The following NCK1 variants were observed in gnomAD, a reference collection of about 807,000 sequenced individuals.
The protein encoded by NCK1 is SH2/SH3 adapter protein NCK1.
In NCK1, 19 loss-of-function variants were observed where a neutral mutation model predicts 36.6. The observed-to-expected ratio is 0.52, with a 90% CI of 0.36 to 0.76. NCK1 has a LOEUF of 0.76. Among genes scored for constraint, NCK1 ranks in the 30% least tolerant of loss-of-function variants. The probability of loss-of-function intolerance (pLI) is 0.00; values close to 1 mark genes in which losing one functional copy is unlikely to be tolerated. For missense variants in NCK1, 358 were observed against 445.6 expected (o/e 0.80, Z 1.77); for synonymous variants, 165 against 156.0 (o/e 1.06, Z -0.43).
chr3:136,908,511 G>A (rs945023911), intron 1 of NCK1, among the ~76,000 whole-genome samples: 1 of 152,174 alleles, frequency 6.6e-6, no homozygotes, highest in East Asian at 1.9e-4. Flanking sequence ...CTGAATTCAT[G>A]TCCTTATAAG....
intron 1 of NCK1, among the ~76,000 whole-genome samples, chr3:136,878,864 C>T (rs1303991399): frequency 6.6e-6 from 1 of 152,062 alleles, no homozygotes; most frequent in African/African-American, 2.4e-5. Context: ...CTACAGAAAA[C>T]ACTGAATTAA....
At chr3:136,876,920 GC>G (rs1168021156) in intron 1 of NCK1, among the ~76,000 whole-genome samples, 4 of 152,254 alleles carry the variant, frequency 2.6e-5, no homozygotes, top group African/African-American at 9.6e-5. Flanking sequence ...GCTGACTGTT[GC>G]CAAACTGCTA....
chr3:136,899,878 T>C, intron 1 of NCK1: 1 of 1,152,948 alleles, frequency 8.7e-7, no homozygotes, highest in Non-Finnish European at 1.3e-6. Flanking sequence ...CTTTTTTTTT[T>C]AGGGGTTTTC....
At chr3:136,929,675 AGTGATAC>A (rs543864439) in intron 2 of NCK1, among the ~76,000 whole-genome samples, 9 of 152,208 alleles carry the variant, frequency 5.9e-5, no homozygotes, top group Non-Finnish European at 8.8e-5. Flanking sequence ...TATGCCTCAT[AGTGATAC>A]GTGCACAGGG....
At chr3:136,890,512 G>A (rs1939212770) in intron 1 of NCK1, among the ~76,000 whole-genome samples, 1 of 152,256 alleles carries the variant, frequency 6.6e-6, no homozygotes, top group Admixed American at 6.5e-5. Context: ...GGCAGAGGAG[G>A]TGCCAAGAGC....
At chr3:136,893,938 C>G (rs1329752865) in intron 1 of NCK1, among the ~76,000 whole-genome samples, 2 of 152,140 alleles carry the variant, frequency 1.3e-5, no homozygotes, top group Non-Finnish European at 2.9e-5. Flanking sequence ...CGGCTTTCAT[C>G]CTTGTGGGAC....
At chr3:136,874,185 A>C (rs1008791823) in intron 1 of NCK1, among the ~76,000 whole-genome samples, 46 of 152,014 alleles carry the variant, frequency 3.0e-4, no homozygotes, top group African/African-American at 1.0e-3. Context: ...CATTTTTTAT[A>C]CTTTTTTTGA....
rs76304742 is a variant in NCK1, at chr3:136,925,919, C to T, written c.-18-2065C>T. Among the ~76,000 whole-genome samples, 535 of 152,246 alleles carry T rather than the reference C, an allele frequency of 3.5e-3. 2 individuals are homozygous for T. The highest frequency in any genetic ancestry group is 6.0e-3 in the South Asian group (29 of 4,820). On this transcript the variant is annotated intron_variant, in intron 1 of 3. Coordinates refer to ENST00000481752, the MANE Select transcript of NCK1 (RefSeq NM_001291999.2). ...TATGAGAAACTGTCAGACAATTTTG[C>T]GGAGTATCTGTACCATTTTACATTC... is the stretch of plus-strand genomic sequence containing the variant.
intron 1 of NCK1, among the ~76,000 whole-genome samples, chr3:136,882,383 C>T (rs1938965257): frequency 6.6e-6 from 1 of 152,072 alleles, no homozygotes; most frequent in Non-Finnish European, 1.5e-5. Flanking sequence ...TGAGTCTGAA[C>T]AGGTCTTTTT....
intron 1 of NCK1, among the ~76,000 whole-genome samples, chr3:136,922,178 T>G (rs1940128344): frequency 6.6e-6 from 1 of 152,212 alleles, no homozygotes; most frequent in Non-Finnish European, 1.5e-5. Context: ...ACTTATTATT[T>G]ATGACAGGAG....
intron 1 of NCK1, among the ~76,000 whole-genome samples, chr3:136,921,410 CCA>C (rs1940106396): frequency 6.6e-6 from 1 of 152,100 alleles, no homozygotes; most frequent in Non-Finnish European, 1.5e-5. Flanking sequence ...GGCAGTAGTT[CCA>C]ATATTGGTTT....
At chr3:136,891,114 C>T (rs1427277556) in intron 1 of NCK1, among the ~76,000 whole-genome samples, 1 of 152,188 alleles carries the variant, frequency 6.6e-6, no homozygotes, top group East Asian at 1.9e-4. Context: ...CTATATTTAC[C>T]ACATGTTGTT....
At chr3:136,935,704 A>G (rs1449295868) in intron 2 of NCK1, among the ~76,000 whole-genome samples, 1 of 152,202 alleles carries the variant, frequency 6.6e-6, no homozygotes, top group Non-Finnish European at 1.5e-5. Context: ...ACTCTTAAAA[A>G]TTTTTTTATG....
intron 1 of NCK1, among the ~76,000 whole-genome samples, chr3:136,920,673 A>G (rs73231953): frequency 0.074 from 11,285 of 152,234 alleles, 442 homozygotes; most frequent in Non-Finnish European, 0.095. Context: ...AGATTATTAC[A>G]TTTTATCTAA....
intron 1 of NCK1, among the ~76,000 whole-genome samples, chr3:136,890,097 C>G (rs1321108099): frequency 1.3e-5 from 2 of 152,092 alleles, no homozygotes; most frequent in Non-Finnish European, 2.9e-5. Context: ...GCCCATGGGG[C>G]GGGGAGGCTC....
intron 1 of NCK1, among the ~76,000 whole-genome samples, chr3:136,919,782 C>T (rs568552336): frequency 3.4e-4 from 52 of 151,952 alleles, no homozygotes; most frequent in African/African-American, 1.3e-3. Flanking sequence ...TAAATATGAC[C>T]TTTTTTGGCA....
chr3:136,879,930 G>A (rs910903181), intron 1 of NCK1, among the ~76,000 whole-genome samples: 3 of 149,372 alleles, frequency 2.0e-5, no homozygotes, highest in African/African-American at 7.4e-5. Context: ...AACGTGGCAC[G>A]TGTATACCTC....
At chr3:136,915,568 G>C (rs1284694479) in intron 1 of NCK1, among the ~76,000 whole-genome samples, 1 of 152,128 alleles carries the variant, frequency 6.6e-6, no homozygotes, top group Non-Finnish European at 1.5e-5. Context: ...TAATAGGGCT[G>C]TATTAGTCTG....
chr3:136,876,462 G>A (rs1175466315), intron 1 of NCK1, among the ~76,000 whole-genome samples: 1 of 152,094 alleles, frequency 6.6e-6, no homozygotes. Context: ...AAATGATAAA[G>A]GGGATATCAC....
Sources: gnomAD v4.1 joint callset for allele counts (sites outside exome capture counted in the v4.1 genomes callset) on GRCh38, gnomAD v4.1.1 for gene constraint, MANE v1.5 for transcripts, NCBI Gene and HGNC (gene_info 2026-07-23, HGNC 2026-07-21) for gene names.